PGF: variants seen among roughly 807,000 people sequenced by gnomAD.
The protein encoded by PGF is placenta growth factor.
PGF carries 11 observed loss-of-function variants against 25.3 expected under a neutral mutation model. The observed-to-expected ratio is 0.43, with a 90% CI of 0.27 to 0.72. The LOEUF is 0.72. Ranked by LOEUF, PGF falls within the 30% of genes least tolerant of loss-of-function variation. The pLI, the probability that PGF is intolerant of heterozygous loss-of-function variation, is 0.18. For synonymous variants in PGF, 105 were observed against 97.9 expected (o/e 1.07, Z -0.43); for missense variants, 230 against 234.9 (o/e 0.98, Z 0.14).
chr14:74,954,424 G>A (rs1407440959), intron 1 of PGF, among the ~76,000 whole-genome samples: 1 of 152,120 alleles, frequency 6.6e-6, no homozygotes, highest in Non-Finnish European at 1.5e-5. Flanking sequence ...GCAGGCGGGT[G>A]GCTGGGCTGC....
At chr14:74,952,659 CGTT>C (rs1888898866) in intron 2 of PGF, among the ~76,000 whole-genome samples, 1 of 152,190 alleles carries the variant, frequency 6.6e-6, no homozygotes, top group Admixed American at 6.5e-5. Context: ...GTGCAAAGCT[CGTT>C]GTACTTCTCC....
At chr14:74,951,972 C>T (rs61757885) in intron 2 of PGF, among the ~76,000 whole-genome samples, 29 of 152,284 alleles carry the variant, frequency 1.9e-4, no homozygotes, top group African/African-American at 6.0e-4. Context: ...CAGCTGTCCC[C>T]GAGAGCACTT....
chr14:74,946,050 A>T, intron 6 of PGF, 163 bp downstream of exon 6: 1 of 619,126 alleles, frequency 1.6e-6, no homozygotes, highest in East Asian at 2.7e-5. Context: ...AGGTCCACTG[A>T]TGCTTCCTGG....
intron 4 of PGF, chr14:74,946,665 C>T (rs995945560): frequency 1.1e-5 from 7 of 657,334 alleles, no homozygotes; most frequent in African/African-American, 1.1e-4. Flanking sequence ...CCCGCTTCTG[C>T]ACTTCTCAGC....
At chr14:74,949,604 A>C (rs778663340) in intron 2 of PGF, 51 bp from the exon 3 acceptor site, 2 of 1,414,056 alleles carry the variant, frequency 1.4e-6, no homozygotes, top group African/African-American at 1.4e-5. Flanking sequence ...CTGCCCCTTG[A>C]AGCCCTAAAC....
intron 1 of PGF, among the ~76,000 whole-genome samples, chr14:74,954,456 C>T (rs1040686268): frequency 1.3e-5 from 2 of 152,240 alleles, no homozygotes; most frequent in East Asian, 3.9e-4. Context: ...AGGGACTGCC[C>T]AGCCCACTCC....
At chr14:74,946,479 G>T in intron 4 of PGF, 71 bp from the exon 5 acceptor site, 1 of 1,468,428 alleles carries the variant, frequency 6.8e-7, no homozygotes, top group Non-Finnish European at 9.3e-7. Flanking sequence ...CTGCCGCCCG[G>T]ACAGGTCCCC....
chr14:74,943,966 A>G (rs1391153087), intron 6 of PGF, among the ~76,000 whole-genome samples: 1 of 152,166 alleles, frequency 6.6e-6, no homozygotes, highest in Non-Finnish European at 1.5e-5. Context: ...TCTGAAAATT[A>G]AAAGTACTGT....
At position 74,953,890 on chromosome 14, in the gene PGF, C is replaced by A; in HGVS notation, c.118+14G>T. 1.9e-6 allele frequency: 3 copies of A among 1,613,650 alleles called. No homozygotes were observed. Among genetic ancestry groups the A allele is most frequent in the Non-Finnish European group, 2.5e-6 (3 of 1,179,758 alleles). On this transcript the variant is annotated intron_variant, in intron 2 of 6. Coordinates refer to ENST00000555567, the MANE Select transcript of PGF (RefSeq NM_002632.6). The surrounding 1 kb of genome is among the most constrained non-coding windows in gnomAD (Gnocchi z 5.4). ...GCTTGGGGAGCATGCGTACCCCCAG[C>A]CTGGCCAGCTTACCTTCCACCTCTG...
At chr14:74,949,287 A>C in intron 3 of PGF, 70 bp downstream of exon 3, 6 of 1,277,238 alleles carry the variant, frequency 4.7e-6, no homozygotes, top group Non-Finnish European at 6.4e-6. Flanking sequence ...ACCTGGGCCT[A>C]TCTTCTTCCC....
In PGF at chr14:74,948,558, C is replaced by G. The variant is rs776832762; in HGVS notation, c.341G>C (p.Arg114Pro). 1.2e-6 allele frequency: 2 copies of G among 1,604,996 alleles called. No homozygotes were observed. Among genetic ancestry groups the G allele is most frequent in the South Asian group, 2.2e-5 (2 of 90,592 alleles). Reference protein sequence around the residue: ...MQLLKIRSGDRPSYVELTFSQ... With the variant: ...MQLLKIRSGDPPSYVELTFSQ... The stretch of plus-strand genomic sequence containing the variant: ...GAACGTCAGCTCCACGTAGGAGGGC[C>G]GGTCCCCAGAACGGATCTTTAGGAG... Residue 114 changes from arginine to proline, a missense_variant, in exon 4 of 7, where the codon CGG becomes CCG. Transcript: ENST00000555567.
Position 74,949,506 on chromosome 14 carries a change from C to A in PGF, c.166G>T (p.Glu56Ter). 1 of 1,605,640 alleles carries A rather than the reference C, an allele frequency of 6.2e-7. No individual in the cohort carries two copies. The highest frequency in any genetic ancestry group is 8.5e-7 in the Non-Finnish European group (1 of 1,176,492). Residue 56 changes from glutamate to a stop codon, truncating the protein, a stop_gained, in exon 3 of 7, where the codon GAG (glutamate) becomes TAG (stop). Coordinates refer to ENST00000555567, the MANE Select transcript of PGF (RefSeq NM_002632.6). LOFTEE classifies it high-confidence loss of function. ...TCGGACACGACGTCCACCAGCCTCT[C>A]CAGCGCCCGGCAGTAGCTGCGGCCC... ...VWGRSYCRALERLVDVVSEYP... is the reference protein window; with the variant it reads ...VWGRSYCRAL
intron 1 of PGF, 61 bp from the exon 2 acceptor site, chr14:74,954,007 C>T: frequency 6.4e-7 from 1 of 1,556,642 alleles, no homozygotes; most frequent in Non-Finnish European, 8.8e-7. Flanking sequence ...ACTCTTGGGC[C>T]AAGTGTGATG....
At chr14:74,954,787 C>T (rs941105598) in intron 1 of PGF, among the ~76,000 whole-genome samples, 11 of 152,158 alleles carry the variant, frequency 7.2e-5, no homozygotes, top group Non-Finnish European at 1.5e-4. Flanking sequence ...CCACCCCCAC[C>T]AGGCCAGGTC....
chr14:74,954,079 C>T (rs940183879), intron 1 of PGF, 133 bp from the exon 2 acceptor site: 2 of 803,898 alleles, frequency 2.5e-6, no homozygotes, highest in Admixed American at 2.1e-5. Flanking sequence ...TGCCCTGTCT[C>T]AGAGCAGCCT....
At chr14:74,942,792 C>T (rs1888635803) in intron 6 of PGF, 59 bp from the exon 7 acceptor site, 3 of 1,541,176 alleles carry the variant, frequency 1.9e-6, no homozygotes, top group South Asian at 2.4e-5. Flanking sequence ...GGTGCGGTCT[C>T]CTCCTATGGA....
chr14:74,950,441 T>C lies in PGF; in HGVS notation c.119-888A>G, dbSNP rs1888847405. On this transcript the variant is annotated intron_variant, in intron 2 of 6. Coordinates refer to ENST00000555567, the MANE Select transcript of PGF (RefSeq NM_002632.6). This position sits in a 1 kb window ranked among gnomAD's most constrained non-coding sequence, Gnocchi z 4.1. ...GCTAAGTCACTCCTGGTTGATTAGA[T>C]GACATTTCACTGAGGATCATCCGGG... Among the ~76,000 whole-genome samples the C allele has an allele frequency of 6.6e-6, 1 of 152,242 alleles. No individual in the cohort carries two copies. The highest frequency in any genetic ancestry group is 1.5e-5 in the Non-Finnish European group (1 of 68,038).
Position 74,950,329 on chromosome 14 carries a change from C to T in PGF, c.119-776G>A, listed in dbSNP as rs1022537905. ...TTGGCCTCTGGCCTCAAGGGGTTGCCTTATCTCCGGCACTGCTTGCTCTTA... is the reference window on the plus strand; with the variant it reads ...TTGGCCTCTGGCCTCAAGGGGTTGCTTTATCTCCGGCACTGCTTGCTCTTA... On this transcript the variant is annotated intron_variant, in intron 2 of 6. Coordinates refer to ENST00000555567, the MANE Select transcript of PGF (RefSeq NM_002632.6). This position sits in a 1 kb window ranked among gnomAD's most constrained non-coding sequence, Gnocchi z 4.1. Among the ~76,000 whole-genome samples the T allele has an allele frequency of 2.0e-5, 3 of 152,246 alleles. No individual in the cohort carries two copies. Among genetic ancestry groups the T allele is most frequent in the African/African-American group, 4.8e-5 (2 of 41,468 alleles).
intron 5 of PGF, 22 bp downstream of exon 5, chr14:74,946,357 G>C: frequency 6.2e-7 from 1 of 1,613,584 alleles, no homozygotes; most frequent in East Asian, 2.2e-5. Context: ...GAATAGCCCC[G>C]AGCCCCAGCC....
Sources: gnomAD v4.1 joint callset for allele counts (sites outside exome capture counted in the v4.1 genomes callset) on GRCh38, gnomAD v4.1.1 for gene constraint, Gnocchi (gnomAD v3.1) non-coding constraint, MANE v1.5 for transcripts, NCBI Gene and HGNC (gene_info 2026-07-23, HGNC 2026-07-21) for gene names.